CERS6: variants seen among roughly 807,000 people sequenced by gnomAD.
CERS6 encodes the protein ceramide synthase 6, also known as LAG1 homolog, ceramide synthase 6.
A neutral mutation model predicts 56.8 loss-of-function variants in CERS6; 26 were observed. The observed-to-expected ratio is 0.46, with a 90% CI of 0.34 to 0.63. The LOEUF (loss-of-function observed/expected upper bound fraction) is 0.63, where lower values mean the gene tolerates loss of function less well. Ranked by LOEUF, CERS6 falls within the 30% of genes least tolerant of loss-of-function variation. CERS6 has a pLI of 0.01. For missense variants in CERS6, 415 were observed against 467.5 expected (o/e 0.89, Z 1.04); for synonymous variants, 164 against 173.3 (o/e 0.95, Z 0.42).
intron 3 of CERS6, among the ~76,000 whole-genome samples, chr2:168,565,614 C>A (rs1294219742): frequency 6.6e-6 from 1 of 152,298 alleles, no homozygotes. Flanking sequence ...CACCAGTATG[C>A]AAGCCAAACT....
At chr2:168,658,797 A>G (rs758427865) in intron 4 of CERS6, among the ~76,000 whole-genome samples, 74 of 152,338 alleles carry the variant, frequency 4.9e-4, no homozygotes, top group African/African-American at 1.6e-3. Context: ...TGATGGGGCC[A>G]TCATTTGAAC....
At chr2:168,528,679 T>G (rs1388935432) in intron 1 of CERS6, among the ~76,000 whole-genome samples, 3 of 37,182 alleles carry the variant, frequency 8.1e-5, no homozygotes, top group Non-Finnish European at 1.4e-4. Flanking sequence ...CATGAGTCAC[T>G]GCTGGGATAG....
At chr2:168,698,008 G>T (rs1686703491) in intron 6 of CERS6, among the ~76,000 whole-genome samples, 1 of 152,092 alleles carries the variant, frequency 6.6e-6, no homozygotes, top group Non-Finnish European at 1.5e-5. Context: ...AGAAGTACCT[G>T]TGGCCAGGCA....
intron 4 of CERS6, among the ~76,000 whole-genome samples, chr2:168,655,028 A>C (rs1046434338): frequency 1.3e-5 from 2 of 152,212 alleles, no homozygotes; most frequent in Non-Finnish European, 2.9e-5. Flanking sequence ...AGTACTTACA[A>C]CTCAACAGCA....
At chr2:168,484,936 T>G (rs1694249127) in intron 1 of CERS6, among the ~76,000 whole-genome samples, 2 of 152,240 alleles carry the variant, frequency 1.3e-5, no homozygotes, top group Admixed American at 6.5e-5. Flanking sequence ...GAATGTACCT[T>G]CTTTATGAAA....
chr2:168,544,197 T>C (rs551946703), intron 1 of CERS6, among the ~76,000 whole-genome samples: 1 of 152,336 alleles, frequency 6.6e-6, no homozygotes, highest in East Asian at 1.9e-4. Flanking sequence ...TTGTCTGTTA[T>C]TCTTCTCTCT....
intron 3 of CERS6, among the ~76,000 whole-genome samples, chr2:168,589,869 C>A (rs1262986988): frequency 6.6e-6 from 1 of 152,144 alleles, no homozygotes; most frequent in African/African-American, 2.4e-5. Flanking sequence ...TTTATAGTTC[C>A]TTTTTCAGAA....
intron 1 of CERS6, among the ~76,000 whole-genome samples, chr2:168,464,712 A>T (rs79078178): frequency 6.6e-6 from 1 of 151,398 alleles, no homozygotes; most frequent in Non-Finnish European, 1.5e-5. Context: ...AAAAAAAAAA[A>T]CTACTCTACT....
At chr2:168,519,015 T>A (rs923305867) in intron 1 of CERS6, among the ~76,000 whole-genome samples, 1 of 152,170 alleles carries the variant, frequency 6.6e-6, no homozygotes, top group African/African-American at 2.4e-5. Flanking sequence ...AGTGCCCCGG[T>A]CCCACTTGAG....
intron 4 of CERS6, among the ~76,000 whole-genome samples, chr2:168,637,977 A>G (rs930677099): frequency 6.6e-5 from 10 of 152,200 alleles, no homozygotes; most frequent in Non-Finnish European, 1.5e-4. Flanking sequence ...ATAAAAGAAC[A>G]TGAGGTTGTG....
intron 1 of CERS6, among the ~76,000 whole-genome samples, chr2:168,524,843 AG>A (rs1695042849): frequency 6.6e-6 from 1 of 150,976 alleles, no homozygotes; most frequent in Non-Finnish European, 1.5e-5. Flanking sequence ...AATTAATTAT[AG>A]TATATATTAA....
intron 1 of CERS6, among the ~76,000 whole-genome samples, chr2:168,495,027 G>C (rs1374256237): frequency 6.6e-6 from 1 of 152,146 alleles, no homozygotes; most frequent in Non-Finnish European, 1.5e-5. Context: ...ATTGCTGTCA[G>C]GTGCATCTGC....
At chr2:168,560,572 G>A (rs1387913773) in intron 2 of CERS6, among the ~76,000 whole-genome samples, 1 of 152,140 alleles carries the variant, frequency 6.6e-6, no homozygotes, top group Non-Finnish European at 1.5e-5. Context: ...CTCGATGTGG[G>A]ATACAGTTAA....
chr2:168,621,252 A>G (rs1239929961), intron 3 of CERS6, among the ~76,000 whole-genome samples: 1 of 152,180 alleles, frequency 6.6e-6, no homozygotes, highest in East Asian at 1.9e-4. Flanking sequence ...TGAAGCACAC[A>G]CTAAAGAATT....
intron 1 of CERS6, among the ~76,000 whole-genome samples, chr2:168,478,773 A>G (rs1694124590): frequency 6.6e-6 from 1 of 152,192 alleles, no homozygotes; most frequent in Non-Finnish European, 1.5e-5. Context: ...CTTGGGTGAC[A>G]TCTCTTATTT....
At position 168,660,435 on chromosome 2, in the gene CERS6, T is replaced by G. The variant is rs116101995; in HGVS notation, c.465+29393T>G. 5.8e-3 allele frequency among the ~76,000 whole-genome samples: 879 copies of G among 152,312 alleles called. 14 individuals are homozygous for G. The highest frequency in any genetic ancestry group is 0.02 in the African/African-American group (846 of 41,562). ...TAAGGGCCCTGGTAATGTTTTCACC[T>G]AGAAGTTGTAATGCTTTGTCACAGT... On this transcript the variant is annotated intron_variant, in intron 4 of 9. Coordinates refer to ENST00000305747, the MANE Select transcript of CERS6 (RefSeq NM_203463.3).
rs564886258 is a variant in CERS6 at position 168,456,966 on chromosome 2, C to T, written c.170+348C>T. On this transcript the variant is annotated intron_variant, in intron 1 of 9. Coordinates refer to ENST00000305747, the MANE Select transcript of CERS6 (RefSeq NM_203463.3). This position sits in a 1 kb window ranked among gnomAD's most constrained non-coding sequence, Gnocchi z 4.1. Reference sequence around the variant, plus strand: ...CCGCCGCATTCCGCGGGGCTCGCCCCTCTCCGCCGGCGCGCCACGCAAGGC... The same window carrying T: ...CCGCCGCATTCCGCGGGGCTCGCCCTTCTCCGCCGGCGCGCCACGCAAGGC... Among the ~76,000 whole-genome samples, 3 of 152,224 alleles carry T rather than the reference C, an allele frequency of 2.0e-5. No individual in the cohort carries two copies. In the South Asian group the frequency reaches 6.2e-4, roughly 31 times the overall value.
intron 3 of CERS6, among the ~76,000 whole-genome samples, chr2:168,609,626 A>T (rs1248538149): frequency 6.6e-6 from 1 of 152,108 alleles, no homozygotes; most frequent in African/African-American, 2.4e-5. Flanking sequence ...TCCCCTGTTG[A>T]GAGCCACTGA....
rs1438258470 is a variant in CERS6, at chr2:168,772,324, C to T, written c.*2662C>T. 6.6e-6 allele frequency: 1 copy of T among 152,560 alleles called. No individual in the cohort carries two copies. Among genetic ancestry groups the T allele is most frequent in the African/African-American group, 2.4e-5 (1 of 41,406 alleles). 9.5% of individuals were successfully genotyped at this position (152,560 alleles called of 1,614,324 possible). A position where few individuals can be genotyped will look rare whatever the true frequency, so the allele number is the denominator to read the frequency against. On this transcript the variant is annotated 3_prime_UTR_variant, in exon 10 of 10. Coordinates refer to ENST00000305747, the MANE Select transcript of CERS6 (RefSeq NM_203463.3). The stretch of plus-strand genomic sequence containing the variant: ...ATACTTTATTCTCTAATGTTAATAG[C>T]TTTTCTGGATCTCTTAGTAGGGGGA...
Sources: allele counts gnomAD v4.1 joint callset (sites outside exome capture counted in the v4.1 genomes callset), GRCh38; gene constraint gnomAD v4.1.1; non-coding constraint Gnocchi (gnomAD v3.1); transcripts MANE v1.5; gene names NCBI Gene and HGNC (gene_info 2026-07-23, HGNC 2026-07-21).